The following SENP1 variants were observed in gnomAD, a reference collection of about 807,000 sequenced individuals.
The protein encoded by SENP1 is sentrin-specific protease 1.
SENP1 carries 21 observed loss-of-function variants against 93.0 expected under a neutral mutation model. The ratio of observed to expected loss-of-function variants is 0.23; its 90% CI spans 0.16 to 0.33. The LOEUF is 0.33. Ranked by LOEUF, SENP1 falls within the 10% of genes least tolerant of loss-of-function variation. SENP1 has a pLI of 1.00. For missense variants in SENP1, 591 were observed against 758.7 expected (o/e 0.78, Z 2.60); for synonymous variants, 256 against 259.6 (o/e 0.99, Z 0.13).
chr12:48,074,675 G>A lies in SENP1; in HGVS notation c.656+15C>T. ...GTAGAATTAAATTCATCTGAAATATGCTTCTGTGACTCACAGGTGTAAAGG... is the reference window on the plus strand; with the variant it reads ...GTAGAATTAAATTCATCTGAAATATACTTCTGTGACTCACAGGTGTAAAGG... On this transcript the variant is annotated intron_variant, in intron 7 of 17. Coordinates refer to ENST00000549518, the MANE Select transcript of SENP1 (RefSeq NM_001267594.2). 1 of 1,608,998 alleles carries A rather than the reference G, an allele frequency of 6.2e-7. No homozygotes were observed. Among genetic ancestry groups the A allele is most frequent in the South Asian group, 1.1e-5 (1 of 90,784 alleles).
chr12:48,078,319 A>ATG (rs1944252635), intron 6 of SENP1, among the ~76,000 whole-genome samples: 1 of 62,846 alleles, frequency 1.6e-5, no homozygotes, highest in Non-Finnish European at 3.0e-5. Context: ...GTAGGATTTT[A>ATG]TATATATATA....
chr12:48,095,981 GA>G (rs1279932927), intron 4 of SENP1, among the ~76,000 whole-genome samples: 1 of 152,144 alleles, frequency 6.6e-6, no homozygotes, highest in East Asian at 1.9e-4. Flanking sequence ...AAGCAGAACA[GA>G]AATAAACTTG....
intron 3 of SENP1, 156 bp downstream of exon 3, chr12:48,097,837 TA>T: frequency 3.2e-6 from 2 of 625,420 alleles, no homozygotes; most frequent in South Asian, 5.3e-5. Context: ...GTCTTAATTT[TA>T]ATATATAGAG....
At chr12:48,086,558 G>T (rs2137172412) in intron 5 of SENP1, among the ~76,000 whole-genome samples, 1 of 152,262 alleles carries the variant, frequency 6.6e-6, no homozygotes, top group East Asian at 1.9e-4. Flanking sequence ...ATGAATAATA[G>T]GAGAACCAAA....
chr12:48,048,205 A>G, intron 14 of SENP1, 125 bp from the exon 15 acceptor site: 1 of 642,022 alleles, frequency 1.6e-6, no homozygotes. Flanking sequence ...AGTTTGACTG[A>G]TATTTTGCAT....
intron 13 of SENP1, among the ~76,000 whole-genome samples, chr12:48,061,329 C>T (rs1003570628): frequency 6.6e-6 from 1 of 152,098 alleles, no homozygotes; most frequent in Non-Finnish European, 1.5e-5. Context: ...AAAATATCTA[C>T]TTGAGGGAAG....
chr12:48,101,661 A>AG lies in SENP1; in HGVS notation c.-44-146_-44-145insC, dbSNP rs1945942628. 1.1e-5 allele frequency: 6 copies of AG among 552,114 alleles called. No individual in the cohort carries two copies. In the South Asian group the frequency reaches 1.4e-4, roughly 13 times the overall value. 34.2% of individuals were successfully genotyped at this position (552,114 alleles called of 1,614,324 possible). On this transcript the variant is annotated intron_variant, in intron 1 of 17. Coordinates refer to ENST00000549518, the MANE Select transcript of SENP1 (RefSeq NM_001267594.2). ...GGTGGTAAAGAGTTGACTTGATGGG[A>AG]AAAGAGTAAAAACTAAAACTAGCTT...
At chr12:48,077,945 AT>A (rs1199416606) in intron 6 of SENP1, among the ~76,000 whole-genome samples, 1 of 151,736 alleles carries the variant, frequency 6.6e-6, no homozygotes, top group African/African-American at 2.4e-5. Context: ...GAATTTTAGT[AT>A]TTTTTTCTAT....
chr12:48,064,769 C>T (rs1435942273), intron 12 of SENP1, among the ~76,000 whole-genome samples: 1 of 152,046 alleles, frequency 6.6e-6, no homozygotes, highest in Non-Finnish European at 1.5e-5. Flanking sequence ...CTCTGCCTCC[C>T]GGGTTCAAGC....
chr12:48,063,889 A>G, intron 12 of SENP1, 48 bp from the exon 13 acceptor site: 1 of 1,558,640 alleles, frequency 6.4e-7, no homozygotes, highest in Non-Finnish European at 8.7e-7. Flanking sequence ...TGGCTTCAGA[A>G]AAACCGTATT....
chr12:48,090,817 C>T (rs537905841), intron 4 of SENP1, among the ~76,000 whole-genome samples: 5 of 152,208 alleles, frequency 3.3e-5, no homozygotes, highest in East Asian at 1.9e-4. Context: ...AGGCTGGAAT[C>T]GAACTCCTGG....
At chr12:48,105,113 T>C (rs1946397925) in intron 1 of SENP1, 1 of 223,490 alleles carries the variant, frequency 4.5e-6, no homozygotes, top group Non-Finnish European at 9.4e-6. Context: ...TAACCAATTA[T>C]AACAAAGACC....
intron 9 of SENP1, among the ~76,000 whole-genome samples, chr12:48,069,027 C>T (rs1379472139): frequency 2.0e-5 from 3 of 151,702 alleles, no homozygotes; most frequent in Non-Finnish European, 4.4e-5. Flanking sequence ...GTGGCATATG[C>T]CTGTAATCCC....
chr12:48,046,807 C>G (rs1941403514), intron 16 of SENP1, among the ~76,000 whole-genome samples, 171 bp downstream of exon 16: 1 of 152,102 alleles, frequency 6.6e-6, no homozygotes, highest in African/African-American at 2.4e-5. Flanking sequence ...AAGAAACACA[C>G]TATCACTTTT....
intron 13 of SENP1, among the ~76,000 whole-genome samples, chr12:48,060,177 T>C (rs1470345838): frequency 6.6e-6 from 1 of 152,228 alleles, no homozygotes; most frequent in Non-Finnish European, 1.5e-5. Context: ...TTATCCAATG[T>C]CTGAAAATTG....
chr12:48,083,453 A>G (rs1944628571), intron 6 of SENP1, 138 bp downstream of exon 6: 7 of 709,132 alleles, frequency 9.9e-6, no homozygotes, highest in Non-Finnish European at 1.2e-5. Context: ...ACACTCAAAA[A>G]GAGTAATTCA....
chr12:48,071,257 G>T (rs1016083113), intron 9 of SENP1, among the ~76,000 whole-genome samples: 1 of 152,180 alleles, frequency 6.6e-6, no homozygotes, highest in Non-Finnish European at 1.5e-5. Flanking sequence ...AATTGAGGTA[G>T]TTTTACATTA....
intron 4 of SENP1, 63 bp downstream of exon 4, chr12:48,096,280 A>G: frequency 1.1e-6 from 1 of 871,028 alleles, no homozygotes; most frequent in Non-Finnish European, 1.8e-6. Flanking sequence ...ATAAACATAA[A>G]CGATATGCTA....
chr12:48,099,690 T>TA (rs767818725), intron 2 of SENP1, among the ~76,000 whole-genome samples: 4 of 152,048 alleles, frequency 2.6e-5, no homozygotes, highest in Non-Finnish European at 4.4e-5. Context: ...CACATGCCTG[T>TA]AATCCTAGCT....
Sources: gnomAD v4.1 joint callset for allele counts (sites outside exome capture counted in the v4.1 genomes callset) on GRCh38, gnomAD v4.1.1 for gene constraint, MANE v1.5 for transcripts, NCBI Gene and HGNC (gene_info 2026-07-23, HGNC 2026-07-21) for gene names.